Variants in NRXN3 observed in about 807,000 individuals in gnomAD.
NRXN3 encodes the protein neurexin 3, also known as neurexin III.
Under a neutral mutation model 137.6 loss-of-function variants are expected in NRXN3, and 32 were observed. The ratio of observed to expected loss-of-function variants is 0.23; its 90% CI spans 0.18 to 0.31. The LOEUF is 0.31. Ranked by LOEUF, NRXN3 falls within the 10% of genes least tolerant of loss-of-function variation. The pLI is 1.00. For synonymous variants in NRXN3, 798 were observed against 784.5 expected (o/e 1.02, Z -0.29); for missense variants, 1,574 against 2,062.5 (o/e 0.76, Z 4.59).
intron 4 of NRXN3, among the ~76,000 whole-genome samples, chr14:78,371,659 C>T (rs756620895): frequency 4.6e-5 from 7 of 152,152 alleles, no homozygotes; most frequent in South Asian, 2.1e-4. Flanking sequence ...ACCCTGGCCC[C>T]GACACCCACT....
At chr14:79,289,399 C>A (rs1277668762) in intron 15 of NRXN3, among the ~76,000 whole-genome samples, 1 of 152,138 alleles carries the variant, frequency 6.6e-6, no homozygotes, top group Non-Finnish European at 1.5e-5. Context: ...GTGGCTGGAT[C>A]CCCTGAGGTC....
intron 20 of NRXN3, among the ~76,000 whole-genome samples, chr14:79,822,841 C>T (rs1320347076): frequency 6.6e-6 from 1 of 151,546 alleles, no homozygotes; most frequent in African/African-American, 2.4e-5. Flanking sequence ...ACAAAAAAAC[C>T]AAAAAAGCCA....
At chr14:78,367,690 GAGAA>G (rs956389102) in intron 4 of NRXN3, among the ~76,000 whole-genome samples, 1 of 152,146 alleles carries the variant, frequency 6.6e-6, no homozygotes, top group African/African-American at 2.4e-5. Context: ...AAAAGTTTTG[GAGAA>G]AGAAAGAAAA....
intron 1 of NRXN3, among the ~76,000 whole-genome samples, chr14:78,238,747 C>T (rs953044678): frequency 6.6e-6 from 1 of 152,202 alleles, no homozygotes; most frequent in African/African-American, 2.4e-5. Flanking sequence ...TGGGTTTCCT[C>T]AGTCAGCCTT....
At chr14:78,876,665 G>A (rs185669054) in intron 10 of NRXN3, among the ~76,000 whole-genome samples, 1 of 152,284 alleles carries the variant, frequency 6.6e-6, no homozygotes, top group East Asian at 1.9e-4. Context: ...TGACCAAAGA[G>A]TTGTTAATAA....
intron 4 of NRXN3, among the ~76,000 whole-genome samples, chr14:78,305,588 A>T (rs779566286): frequency 6.6e-6 from 1 of 152,154 alleles, no homozygotes; most frequent in Non-Finnish European, 1.5e-5. Context: ...AAGAAAGCTG[A>T]TTTGAGGAGC....
At chr14:79,579,349 C>CATAT (rs138220950) in intron 16 of NRXN3, among the ~76,000 whole-genome samples, 16 of 142,378 alleles carry the variant, frequency 1.1e-4, no homozygotes, top group African/African-American at 1.8e-4. Context: ...ATATATATTT[C>CATAT]ATATATATAT....
intron 20 of NRXN3, among the ~76,000 whole-genome samples, chr14:79,834,727 A>G (rs768243467): frequency 5.9e-5 from 9 of 152,100 alleles, no homozygotes; most frequent in African/African-American, 1.4e-4. Flanking sequence ...TCCCAATCAT[A>G]CTTTAACAGA....
intron 10 of NRXN3, among the ~76,000 whole-genome samples, chr14:78,825,612 A>C (rs540741451): frequency 6.6e-6 from 1 of 152,336 alleles, no homozygotes; most frequent in East Asian, 1.9e-4. Flanking sequence ...TTGCTCATTG[A>C]TCATTTGAAC....
intron 15 of NRXN3, among the ~76,000 whole-genome samples, chr14:79,215,883 C>G (rs1047872909): frequency 5.9e-5 from 9 of 152,144 alleles, no homozygotes; most frequent in African/African-American, 2.2e-4. Context: ...AGCATTTTCA[C>G]TGGTGTTTTT....
intron 4 of NRXN3, among the ~76,000 whole-genome samples, chr14:78,426,961 T>A (rs2093688231): frequency 6.6e-6 from 1 of 152,154 alleles, no homozygotes; most frequent in Admixed American, 6.5e-5. Context: ...TCAAGTTTGA[T>A]GCTGTTTGCA....
chr14:79,763,676 T>A (rs1039722670), intron 19 of NRXN3, among the ~76,000 whole-genome samples: 1 of 151,480 alleles, frequency 6.6e-6, no homozygotes, highest in African/African-American at 2.5e-5. Flanking sequence ...GGTTCATAGA[T>A]GGCGACTTCC....
intron 17 of NRXN3, among the ~76,000 whole-genome samples, chr14:79,689,984 G>A (rs190531570): frequency 5.9e-5 from 9 of 152,200 alleles, no homozygotes; most frequent in African/African-American, 1.9e-4. Flanking sequence ...AATCTATTCC[G>A]TAGTGAGTAG....
intron 14 of NRXN3, among the ~76,000 whole-genome samples, chr14:78,982,209 A>G (rs1022283641): frequency 6.6e-6 from 1 of 152,208 alleles, no homozygotes; most frequent in African/African-American, 2.4e-5. Context: ...ATTTTGCTTT[A>G]AATTCTAAAT....
intron 15 of NRXN3, among the ~76,000 whole-genome samples, chr14:79,047,278 T>C (rs1241178000): frequency 2.6e-5 from 4 of 152,100 alleles, no homozygotes; most frequent in Admixed American, 2.6e-4. Context: ...GTTATAATCT[T>C]GACAAAAATT....
chr14:79,832,456 G>A (rs1023557725), intron 20 of NRXN3, among the ~76,000 whole-genome samples: 4 of 152,148 alleles, frequency 2.6e-5, no homozygotes, highest in South Asian at 2.1e-4. Flanking sequence ...ATTCTCTGCA[G>A]CGTAGTTTCT....
intron 10 of NRXN3, among the ~76,000 whole-genome samples, chr14:78,904,999 A>G (rs2152756518): frequency 6.6e-6 from 1 of 152,172 alleles, no homozygotes; most frequent in Non-Finnish European, 1.5e-5. Context: ...ACAACCACCC[A>G]GTTAATCTCC....
At chr14:78,516,805 A>C (rs928465512) in intron 4 of NRXN3, among the ~76,000 whole-genome samples, 1 of 152,188 alleles carries the variant, frequency 6.6e-6, no homozygotes, top group Non-Finnish European at 1.5e-5. Flanking sequence ...AACTATAGTT[A>C]ATGAATTTTG....
chr14:78,489,626 T>C (rs2095627517), intron 4 of NRXN3, among the ~76,000 whole-genome samples: 1 of 152,150 alleles, frequency 6.6e-6, no homozygotes, highest in Non-Finnish European at 1.5e-5. Context: ...AACAGAAACT[T>C]CATCTTTTCT....
Sources: gnomAD v4.1 joint callset for allele counts (sites outside exome capture counted in the v4.1 genomes callset) on GRCh38, gnomAD v4.1.1 for gene constraint, MANE v1.5 for transcripts, NCBI Gene and HGNC (gene_info 2026-07-23, HGNC 2026-07-21) for gene names.